WASL: variants seen among roughly 807,000 people sequenced by gnomAD.
WASL encodes WASP like actin nucleation promoting factor.
In WASL, 20 loss-of-function variants were observed where a neutral mutation model predicts 55.5. The observed-to-expected ratio is 0.36, with a 90% CI of 0.25 to 0.52. The LOEUF (loss-of-function observed/expected upper bound fraction) is 0.52. WASL is among the 20% of genes least tolerant of loss of function. The pLI is 0.92. For synonymous variants in WASL, 249 were observed against 217.6 expected (o/e 1.14, Z -1.27); for missense variants, 504 against 622.5 (o/e 0.81, Z 2.03).
chr7:123,712,290 A>G lies in WASL; in HGVS notation c.118-3067T>C, dbSNP rs1330560134. Among the ~76,000 whole-genome samples the G allele has an allele frequency of 2.0e-5, 3 of 152,198 alleles. No individual in the cohort carries two copies. The East Asian group carries it at 5.8e-4, about 29-fold the overall frequency. On this transcript the variant is annotated intron_variant, in intron 1 of 10. Coordinates refer to ENST00000223023, the MANE Select transcript of WASL (RefSeq NM_003941.4). ...CCACTAAAAAGACTGCAATTCCCAT[A>G]AGCACTTAAAGTAGTTCTGCAAGCT... is the stretch of plus-strand genomic sequence containing the variant.
chr7:123,744,167 T>C (rs1382441337), intron 1 of WASL, among the ~76,000 whole-genome samples: 1 of 152,198 alleles, frequency 6.6e-6, no homozygotes, highest in East Asian at 1.9e-4. Context: ...AGGTCTGATT[T>C]AGAACACAAA....
chr7:123,702,394 G>T (rs946461410), intron 5 of WASL, among the ~76,000 whole-genome samples: 2 of 151,870 alleles, frequency 1.3e-5, no homozygotes, highest in African/African-American at 2.4e-5. Context: ...TCTTAGTAGG[G>T]GTAATAAAAT....
chr7:123,689,278 G>T, intron 9 of WASL, 128 bp from the exon 10 acceptor site: 1 of 668,038 alleles, frequency 1.5e-6, no homozygotes, highest in Non-Finnish European at 2.6e-6. Context: ...ACTGGCAAGC[G>T]CAGGACAAGA....
intron 1 of WASL, among the ~76,000 whole-genome samples, chr7:123,711,462 T>C (rs1287483467): frequency 3.9e-5 from 6 of 152,172 alleles, no homozygotes; most frequent in Non-Finnish European, 8.8e-5. Flanking sequence ...AACTGGATTT[T>C]CAAAAAATTT....
At chr7:123,697,681 A>T (rs778382162) in intron 5 of WASL, among the ~76,000 whole-genome samples, 1 of 152,198 alleles carries the variant, frequency 6.6e-6, no homozygotes, top group African/African-American at 2.4e-5. Context: ...TGTAGAAAAG[A>T]GTTTAAGGCA....
At chr7:123,746,884 C>A (rs1804440351) in intron 1 of WASL, among the ~76,000 whole-genome samples, 1 of 152,186 alleles carries the variant, frequency 6.6e-6, no homozygotes, top group South Asian at 2.1e-4. Context: ...GTATGTAGAA[C>A]ACAGCACAAC....
chr7:123,687,637 T>C (rs1196276848), intron 10 of WASL, among the ~76,000 whole-genome samples: 1 of 152,170 alleles, frequency 6.6e-6, no homozygotes, highest in Non-Finnish European at 1.5e-5. Context: ...CCTTTTCTGT[T>C]AGACTTTTGT....
intron 6 of WASL, among the ~76,000 whole-genome samples, chr7:123,696,241 CT>C (rs1300983198): frequency 6.6e-6 from 1 of 151,920 alleles, no homozygotes; most frequent in Admixed American, 6.6e-5. Context: ...TTTACTGCCC[CT>C]AGGCAGTATC....
rs1039985066 is a variant in WASL at position 123,688,608 on chromosome 7, C to T, written c.1456+434G>A. On this transcript the variant is annotated intron_variant, in intron 10 of 10. Transcript: ENST00000223023. ...AACTCCCGACCTCAGGTGATCCACC[C>T]GCCTCGGCCTCCCAAAGTGCTGGGA... is the stretch of plus-strand genomic sequence containing the variant. Among the ~76,000 whole-genome samples the T allele has an allele frequency of 7.2e-5, 11 of 152,216 alleles. No individual in the cohort carries two copies. The East Asian group carries it at 9.7e-4, about 13-fold the overall frequency.
intron 5 of WASL, among the ~76,000 whole-genome samples, chr7:123,696,983 A>C (rs1323171394): frequency 1.3e-5 from 2 of 152,084 alleles, no homozygotes; most frequent in Non-Finnish European, 2.9e-5. Flanking sequence ...TATGCCATTA[A>C]ATTTCATAAA....
At chr7:123,706,698 AT>A in intron 3 of WASL, 41 bp downstream of exon 3, 1 of 1,343,344 alleles carries the variant, frequency 7.4e-7, no homozygotes, top group African/African-American at 1.5e-5. Flanking sequence ...AAGGCAAGCA[AT>A]GAAAAAAGTA....
At chr7:123,746,086 G>A (rs995491109) in intron 1 of WASL, among the ~76,000 whole-genome samples, 1 of 152,126 alleles carries the variant, frequency 6.6e-6, no homozygotes, top group Admixed American at 6.5e-5. Context: ...CTTGTCCAAA[G>A]TGACCCCCAG....
At chr7:123,703,216 T>C (rs540063819) in intron 5 of WASL, among the ~76,000 whole-genome samples, 21 of 152,274 alleles carry the variant, frequency 1.4e-4, no homozygotes, top group African/African-American at 4.8e-4. Flanking sequence ...TGACATAACA[T>C]AGTGGTTAAA....
chr7:123,720,514 T>C (rs1445222725), intron 1 of WASL, among the ~76,000 whole-genome samples: 1 of 152,210 alleles, frequency 6.6e-6, no homozygotes. Flanking sequence ...GCACAGAACC[T>C]TCTGAAGAAC....
At position 123,692,671 on chromosome 7, in the gene WASL, C is replaced by T. The variant is rs1251311184; in HGVS notation, c.1023G>A (p.Arg341=). The T allele has an allele frequency of 3.2e-6, 5 of 1,546,448 alleles. No homozygotes were observed. Among genetic ancestry groups the T allele is most frequent in the Non-Finnish European group, 4.3e-6 (5 of 1,150,824 alleles). The change falls in exon 9 of 11, where the codon AGG becomes AGA. Residue 341 remains arginine, a synonymous_variant. Transcript: ENST00000223023. Reference sequence around the variant, plus strand: ...GGGCTGGAGGTGGAGGAGGGTACATCCTATTTGGCGGTGGTGGAGGGACTG... The same window carrying T: ...GGGCTGGAGGTGGAGGAGGGTACATTCTATTTGGCGGTGGTGGAGGGACTG... ...SVAVPPPPPN[R]MYPPPPPALP...
rs1029968546 is a variant in WASL at position 123,683,347 on chromosome 7, A to T, written c.*1172T>A. ...AACACACCATTTAGTATGCATAACA[A>T]ATGTGCAGGTTGTAAAGTTTTATCT... On this transcript the variant is annotated 3_prime_UTR_variant, in exon 11 of 11. Coordinates refer to ENST00000223023, the MANE Select transcript of WASL (RefSeq NM_003941.4). 6.6e-6 allele frequency: 1 copy of T among 151,978 alleles called. No homozygotes were observed. Among genetic ancestry groups the T allele is most frequent in the Non-Finnish European group, 1.5e-5 (1 of 67,930 alleles). 9.4% of individuals were successfully genotyped at this position (151,978 alleles called of 1,614,324 possible). A position where few individuals can be genotyped will look rare whatever the true frequency, so the allele number is the denominator to read the frequency against.
Position 123,692,404 on chromosome 7 carries a change from G to T in WASL, c.1290C>A (p.Ser430=). The T allele has an allele frequency of 6.2e-7, 1 of 1,613,752 alleles. No homozygotes were observed. The highest frequency in any genetic ancestry group is 8.5e-7 in the Non-Finnish European group (1 of 1,180,004). ...CTAACAGTGCATCTCGTCCAGAGCA[G>T]GACACTGGCCGACTGTTCTGCTCCA... ...KKVEQNSRPV[S]CSGRDALLDQ... The change falls in exon 9 of 11, where the codon TCC becomes TCA. Residue 430 remains serine (S), a synonymous_variant. Transcript: ENST00000223023.
intron 1 of WASL, among the ~76,000 whole-genome samples, chr7:123,739,032 A>G (rs1282968498): frequency 6.6e-6 from 1 of 152,240 alleles, no homozygotes; most frequent in African/African-American, 2.4e-5. Context: ...TTTCTTAGTC[A>G]GATCTGATGT....
chr7:123,695,234 A>G (rs1803472817), intron 7 of WASL, among the ~76,000 whole-genome samples: 1 of 152,160 alleles, frequency 6.6e-6, no homozygotes, highest in South Asian at 2.1e-4. Flanking sequence ...ATCTTCCTGT[A>G]ATCCCAAGCA....
Sources: gnomAD v4.1 joint callset for allele counts (sites outside exome capture counted in the v4.1 genomes callset) on GRCh38, gnomAD v4.1.1 for gene constraint, MANE v1.5 for transcripts, NCBI Gene and HGNC (gene_info 2026-07-23, HGNC 2026-07-21) for gene names.